The following ABI3BP variants were observed in gnomAD, a reference collection of about 807,000 sequenced individuals.
ABI3BP encodes the protein target of Nesh-SH3.
In ABI3BP, 216 loss-of-function variants were observed where a neutral mutation model predicts 268.6. That is an observed-to-expected ratio of 0.80 (90% confidence interval 0.72 to 0.90). The LOEUF (loss-of-function observed/expected upper bound fraction) is 0.90, where lower values mean the gene tolerates loss of function less well. Among genes scored for constraint, ABI3BP ranks in the 40% least tolerant of loss-of-function variants. The pLI is 0.00. For missense variants in ABI3BP, 2,090 were observed against 2,182.4 expected (o/e 0.96, Z 0.84); for synonymous variants, 730 against 730.0 (o/e 1.00, Z 0.00).
intron 63 of ABI3BP, 124 bp from the exon 64 acceptor site, chr3:100,754,815 C>T: frequency 1.3e-6 from 1 of 778,612 alleles, no homozygotes. Context: ...TGAATGGTAA[C>T]ATATGTTCCA....
chr3:100,843,853 G>A, intron 20 of ABI3BP: 1 of 985,080 alleles, frequency 1.0e-6, no homozygotes, highest in Non-Finnish European at 1.2e-6. Context: ...TTCCACAAGT[G>A]AAAAATAAAA....
chr3:100,894,899 T>A (rs527810952), intron 4 of ABI3BP, among the ~76,000 whole-genome samples: 40 of 116,582 alleles, frequency 3.4e-4, no homozygotes, highest in Middle Eastern at 8.9e-3. Flanking sequence ...AGATCGCGCC[T>A]CTGCACTCCA....
At chr3:100,841,220 T>TTTTTTTTGTTTTTTTG (rs2098696412) in intron 21 of ABI3BP, among the ~76,000 whole-genome samples, 17 of 119,586 alleles carry the variant, frequency 1.4e-4, no homozygotes, top group East Asian at 2.6e-4. Flanking sequence ...TTTTTTTTTT[T>TTTTTTTTGTTTTTTTG]TTTTTTTGCT....
intron 1 of ABI3BP, among the ~76,000 whole-genome samples, chr3:100,951,195 G>A (rs188256093): frequency 1.3e-5 from 2 of 151,928 alleles, no homozygotes; most frequent in East Asian, 3.9e-4. Flanking sequence ...CTCTAGCATT[G>A]CAGACCTCTG....
intron 1 of ABI3BP, among the ~76,000 whole-genome samples, chr3:100,929,753 A>C (rs1432359600): frequency 2.0e-5 from 3 of 151,882 alleles, no homozygotes; most frequent in Non-Finnish European, 2.9e-5. Context: ...TTGGCCCTAC[A>C]CCTTTGCTCA....
chr3:100,937,636 C>A (rs2066807959), intron 1 of ABI3BP, among the ~76,000 whole-genome samples: 1 of 152,030 alleles, frequency 6.6e-6, no homozygotes. Context: ...ACAGCACCTG[C>A]AGAATTAGTT....
Position 100,912,492 on chromosome 3 carries a change from T to C in ABI3BP, c.260-9806A>G, listed in dbSNP as rs150808994. Reference sequence around the variant, plus strand: ...GATGAAATAAGGTAATTATTTTTATTAGAAGCCAGTGTGGCACATCATGAG... The same window carrying C: ...GATGAAATAAGGTAATTATTTTTATCAGAAGCCAGTGTGGCACATCATGAG... On this transcript the variant is annotated intron_variant, in intron 2 of 67. Coordinates refer to ENST00000471714, the MANE Select transcript of ABI3BP (RefSeq NM_001375547.2). Among the ~76,000 whole-genome samples, 1,382 of 152,168 alleles carry C rather than the reference T, an allele frequency of 9.1e-3. 27 individuals are homozygous for C. The highest frequency in any genetic ancestry group is 0.011 in the Non-Finnish European group (740 of 67,994).
At chr3:100,986,494 T>C (rs1031611043) in intron 1 of ABI3BP, among the ~76,000 whole-genome samples, 1 of 151,824 alleles carries the variant, frequency 6.6e-6, no homozygotes, top group African/African-American at 2.4e-5. Flanking sequence ...TGAAATGGAG[T>C]CTTGCTCTGT....
chr3:100,860,599 T>C (rs1019617713), intron 14 of ABI3BP, among the ~76,000 whole-genome samples: 2 of 152,186 alleles, frequency 1.3e-5, no homozygotes, highest in Non-Finnish European at 2.9e-5. Flanking sequence ...CATCCCAACA[T>C]ATTCTCCCCA....
chr3:100,905,777 A>G (rs1485631999), intron 2 of ABI3BP, among the ~76,000 whole-genome samples: 1 of 152,170 alleles, frequency 6.6e-6, no homozygotes, highest in Non-Finnish European at 1.5e-5. Context: ...CCTGGGATTG[A>G]ACAATATAAA....
chr3:100,969,159 C>G (rs1010922469), intron 1 of ABI3BP, among the ~76,000 whole-genome samples: 6 of 152,168 alleles, frequency 3.9e-5, no homozygotes, highest in African/African-American at 1.2e-4. Context: ...GAATCAGAGC[C>G]AGGACTTCCA....
chr3:100,839,092 C>CCAT (rs1247012986), intron 24 of ABI3BP, among the ~76,000 whole-genome samples: 7 of 152,150 alleles, frequency 4.6e-5, no homozygotes, highest in Admixed American at 1.3e-4. Flanking sequence ...CTCTCGCTAT[C>CCAT]CATACCTATT....
intron 1 of ABI3BP, among the ~76,000 whole-genome samples, chr3:100,978,119 T>G (rs554356491): frequency 6.6e-6 from 1 of 152,268 alleles, no homozygotes; most frequent in Admixed American, 6.5e-5. Flanking sequence ...CTTCAAGGGT[T>G]TTATGGCTCC....
At chr3:100,921,958 CAT>C (rs2060356753) in intron 2 of ABI3BP, among the ~76,000 whole-genome samples, 1 of 152,218 alleles carries the variant, frequency 6.6e-6, no homozygotes, top group Non-Finnish European at 1.5e-5. Flanking sequence ...AAACAAATGA[CAT>C]GTGTCAGACA....
intron 1 of ABI3BP, among the ~76,000 whole-genome samples, chr3:100,935,543 G>C (rs1489425046): frequency 6.6e-6 from 1 of 151,682 alleles, no homozygotes; most frequent in Non-Finnish European, 1.5e-5. Context: ...ATCAGGATAG[G>C]ATTAAATCTA....
At chr3:100,829,457 G>T in intron 33 of ABI3BP, 124 bp downstream of exon 33, 1 of 840,158 alleles carries the variant, frequency 1.2e-6, no homozygotes, top group Non-Finnish European at 1.9e-6. Context: ...CATCTCCCCA[G>T]CCCTGTTCCT....
At chr3:100,907,427 C>T (rs1433238108) in intron 2 of ABI3BP, among the ~76,000 whole-genome samples, 1 of 152,074 alleles carries the variant, frequency 6.6e-6, no homozygotes, top group Non-Finnish European at 1.5e-5. Context: ...CCATGAGGCA[C>T]AGGTTGCAGT....
At chr3:100,916,031 T>G (rs1019842229) in intron 2 of ABI3BP, among the ~76,000 whole-genome samples, 1 of 152,134 alleles carries the variant, frequency 6.6e-6, no homozygotes. Context: ...TTGCATGTAG[T>G]TTTTTCCTTG....
At chr3:100,781,187 G>C (rs1404193933) in intron 57 of ABI3BP, among the ~76,000 whole-genome samples, 1 of 152,030 alleles carries the variant, frequency 6.6e-6, no homozygotes, top group Non-Finnish European at 1.5e-5. Flanking sequence ...CTGTTTTGAG[G>C]ACTCACTGTG....
Sources: allele counts gnomAD v4.1 joint callset (sites outside exome capture counted in the v4.1 genomes callset), GRCh38; gene constraint gnomAD v4.1.1; transcripts MANE v1.5; gene names NCBI Gene and HGNC (gene_info 2026-07-23, HGNC 2026-07-21).